The following SLC8A2 variants were observed in gnomAD, a reference collection of about 807,000 sequenced individuals.
SLC8A2 encodes the protein solute carrier family 8 member A2.
In SLC8A2, 14 loss-of-function variants were observed where a neutral mutation model predicts 70.2. The ratio of observed to expected loss-of-function variants is 0.20; its 90% CI spans 0.13 to 0.31. The LOEUF is 0.31. SLC8A2 is among the 10% of genes least tolerant of loss of function. SLC8A2 has a pLI of 1.00. For synonymous variants in SLC8A2, 575 were observed against 594.3 expected, an observed-to-expected ratio of 0.97 and a Z score of 0.47; for missense variants, 779 against 1,320.1, an observed-to-expected ratio of 0.59 and a Z score of 6.35.
chr19:47,447,467 A>C lies in SLC8A2; in HGVS notation c.1763+342T>G. ...CCACCCTTCTAGGCCTCGCCTCTTCATTTCACAGTCACAACCCCACCAGGC... is the reference window on the plus strand; with the variant it reads ...CCACCCTTCTAGGCCTCGCCTCTTCCTTTCACAGTCACAACCCCACCAGGC... On this transcript the variant is annotated intron_variant, in intron 4 of 9. Coordinates refer to ENST00000236877, the MANE Select transcript of SLC8A2 (RefSeq NM_015063.3). This position sits in a 1 kb window ranked among gnomAD's most constrained non-coding sequence, Gnocchi z 5.1. 1.5e-5 allele frequency: 5 copies of C among 341,004 alleles called. No individual in the cohort carries two copies. The highest frequency in any genetic ancestry group is 3.7e-5 in the South Asian group (1 of 26,670). The allele number at this position is 341,004 out of a possible 1,614,324, so 21.1% of individuals were successfully genotyped here.
In SLC8A2 at chr19:47,447,668, G is replaced by T. The variant is rs2122630394; in HGVS notation, c.1763+141C>A. On this transcript the variant is annotated intron_variant, in intron 4 of 9. Coordinates refer to ENST00000236877, the MANE Select transcript of SLC8A2 (RefSeq NM_015063.3). The surrounding 1 kb of genome is among the most constrained non-coding windows in gnomAD (Gnocchi z 5.1). ...CCGCCCACGTTGCGGGCACGGCCAC[G>T]CAGGCCCCTCCCCTCCCGAGGCCCA... 9 of 874,230 alleles carry T rather than the reference G, an allele frequency of 1.0e-5. No individual in the cohort carries two copies. The highest frequency in any genetic ancestry group is 1.3e-5 in the Non-Finnish European group (8 of 609,340). The allele number at this position is 874,230 out of a possible 1,614,324, so 54.2% of individuals were successfully genotyped here. A position where few individuals can be genotyped will look rare whatever the true frequency, so the allele number is the denominator to read the frequency against.
chr19:47,451,584 C>A lies in SLC8A2; in HGVS notation c.1341-3353G>T, dbSNP rs375748208. On this transcript the variant is annotated intron_variant, in intron 3 of 9. Coordinates refer to ENST00000236877, the MANE Select transcript of SLC8A2 (RefSeq NM_015063.3). ...TTGGGCTCCCAAAGTGCTGGGATTG[C>A]AGGCATGATCCACTGCATACATCCT... Among the ~76,000 whole-genome samples, 18 of 152,348 alleles carry A rather than the reference C, an allele frequency of 1.2e-4. No homozygotes were observed. In the South Asian group the frequency reaches 1.5e-3, roughly 12 times the overall value.
At chr19:47,456,308 A>G (rs1967302905) in intron 3 of SLC8A2, among the ~76,000 whole-genome samples, 1 of 152,232 alleles carries the variant, frequency 6.6e-6, no homozygotes, top group South Asian at 2.1e-4. Flanking sequence ...GGCACATGGT[A>G]GGTGCCCACT....
chr19:47,464,798 A>G (rs1167812990), intron 2 of SLC8A2, among the ~76,000 whole-genome samples: 3 of 152,230 alleles, frequency 2.0e-5, no homozygotes, highest in Admixed American at 2.0e-4. Flanking sequence ...CCAGGCCCAT[A>G]AATAAATTAT....
At position 47,430,470 on chromosome 19, in the gene SLC8A2, G is replaced by A. The variant is rs1328354817; in HGVS notation, c.2390-5C>T. The A allele has an allele frequency of 1.9e-6, 3 of 1,596,946 alleles. No homozygotes were observed. The highest frequency in any genetic ancestry group is 2.6e-6 in the Non-Finnish European group (3 of 1,173,852). On this transcript the variant is annotated splice_region_variant and splice_polypyrimidine_tract_variant and intron_variant, in intron 9 of 9. Transcript: ENST00000236877. The surrounding 1 kb of genome is among the most constrained non-coding windows in gnomAD (Gnocchi z 5.9). ...CCACCTTGCTGGCGAACGTGTCTGC[G>A]AGGCAGAGACATACAGGTCGGAGGG...
Position 47,432,334 on chromosome 19 carries a change from G to T in SLC8A2, c.2222C>A (p.Pro741His). Reference protein sequence around the residue: ...VFWKVLFACVPPTEYCHGWAC... With the variant: ...VFWKVLFACVHPTEYCHGWAC... Reference sequence around the variant, plus strand: ...CCAGCCGTGGCAGTACTCGGTGGGGGGCACACAGGCGAAGAGCACCTTCCA... The same window carrying T: ...CCAGCCGTGGCAGTACTCGGTGGGGTGCACACAGGCGAAGAGCACCTTCCA... The change falls in exon 9 of 10, where the codon CCC (proline) becomes CAC (histidine). Residue 741 changes from proline to histidine, a missense_variant. Physicochemically the swap from Pro to His is moderately conservative, Grantham distance 77 (BLOSUM62 -2). This residue lies in a region of SLC8A2 where 108 missense variants were observed against 269.6 expected (regional missense o/e 0.40). Transcript: ENST00000236877. The surrounding 1 kb of genome is among the most constrained non-coding windows in gnomAD (Gnocchi z 6.2). 1 of 1,613,502 alleles carries T rather than the reference G, an allele frequency of 6.2e-7. No homozygotes were observed. The highest frequency in any genetic ancestry group is 8.5e-7 in the Non-Finnish European group (1 of 1,180,022).
chr19:47,448,718 C>T lies in SLC8A2; in HGVS notation c.1341-487G>A, dbSNP rs1039247511. Among the ~76,000 whole-genome samples the T allele has an allele frequency of 5.9e-5, 9 of 152,258 alleles. No individual in the cohort carries two copies. The highest frequency in any genetic ancestry group is 3.4e-3 in the Middle Eastern group (1 of 292). ...TTAGAAGCTCCCGGGTTTCTAGAAT[C>T]GCATTTCTAACGAGCTCCAGGGGAT... On this transcript the variant is annotated intron_variant, in intron 3 of 9. Transcript: ENST00000236877. This position sits in a 1 kb window ranked among gnomAD's most constrained non-coding sequence, Gnocchi z 4.8.
intron 6 of SLC8A2, among the ~76,000 whole-genome samples, chr19:47,439,944 A>G (rs2441047): frequency 0.1 from 15,982 of 152,216 alleles, 890 homozygotes; most frequent in Middle Eastern, 0.16. Context: ...GATTACAGAC[A>G]TGAGGCATTG....
Position 47,437,947 on chromosome 19 carries a change from C to T in SLC8A2, c.1912G>A (p.Glu638Lys), listed in dbSNP as rs1013325771. ...QGDGDRKLTA[E>K]EEEARRIAEM... is the part of the protein sequence containing the mutation. ...GCTATCCTCCGAGCCTCCTCCTCCT[C>T]GGCTGTTAGCTTCCTGTCCCCATCC... The change falls in exon 7 of 10, where the codon GAG becomes AAG. Residue 638 changes from glutamate to lysine, a missense_variant. This residue lies in a region of SLC8A2 where 247 missense variants were observed against 362.8 expected (regional missense o/e 0.68). Coordinates refer to ENST00000236877, the MANE Select transcript of SLC8A2 (RefSeq NM_015063.3). 3 of 1,614,120 alleles carry T rather than the reference C, an allele frequency of 1.9e-6. No homozygotes were observed. Among genetic ancestry groups the T allele is most frequent in the South Asian group, 1.1e-5 (1 of 91,072 alleles).
rs1410186606 is a variant in SLC8A2 at position 47,465,042 on chromosome 19, C to T, written c.675+687G>A. Among the ~76,000 whole-genome samples the T allele has an allele frequency of 6.6e-6, 1 of 152,170 alleles. No homozygotes were observed. Among genetic ancestry groups the T allele is most frequent in the East Asian group, 1.9e-4 (1 of 5,198 alleles). ...TTGGGTTGGATGGGAGTATACATTACACTGAAGTGGCATAAATTATCCCAA... is the reference window on the plus strand; with the variant it reads ...TTGGGTTGGATGGGAGTATACATTATACTGAAGTGGCATAAATTATCCCAA... On this transcript the variant is annotated intron_variant, in intron 2 of 9. Transcript: ENST00000236877. This position sits in a 1 kb window ranked among gnomAD's most constrained non-coding sequence, Gnocchi z 5.5.
chr19:47,431,681 CAAAA>C lies in SLC8A2; in HGVS notation c.2389+482_2389+485del, dbSNP rs1568438664. ...CCAAAAAAAAAAAAAAAAAAAAAAA[CAAAA>C]CCCAAAAAAACCAACTTTGAGGTTC... On this transcript the variant is annotated intron_variant, in intron 9 of 9. Transcript: ENST00000236877. Among the ~76,000 whole-genome samples the C allele has an allele frequency of 2.2e-4, 8 of 36,060 alleles. No individual in the cohort carries two copies. The South Asian group carries it at 9.3e-3, about 42-fold the overall frequency. The allele number at this position is 36,060 out of a possible 152,430, so 23.7% of individuals were successfully genotyped here. A position where few individuals can be genotyped will look rare whatever the true frequency, so the allele number is the denominator to read the frequency against.
rs1242653462 is a variant in SLC8A2 at position 47,457,247 on chromosome 19, G to A, written c.1023C>T (p.Tyr341=). The change falls in exon 3 of 10, where the codon TAC becomes TAT. Residue 341 remains tyrosine (Y), a synonymous_variant. Coordinates refer to ENST00000236877, the MANE Select transcript of SLC8A2 (RefSeq NM_015063.3). ...GGCTCTTCTGCTGGTGCAGCAGCGCGTAGTAGTTGGCGATGCCCACCAGCT... is the reference window on the plus strand; with the variant it reads ...GGCTCTTCTGCTGGTGCAGCAGCGCATAGTAGTTGGCGATGCCCACCAGCT... ...LEQLVGIANY[Y]ALLHQQKSRA... 5.2e-6 allele frequency: 8 copies of A among 1,547,054 alleles called. No individual in the cohort carries two copies. In the Admixed American group the frequency reaches 1.2e-4, roughly 23 times the overall value.
chr19:47,440,437 A>C (rs1053198040), intron 6 of SLC8A2, among the ~76,000 whole-genome samples: 1 of 135,372 alleles, frequency 7.4e-6, no homozygotes, highest in Non-Finnish European at 1.7e-5. Flanking sequence ...TTACAGACAT[A>C]ATCTTTTGAG....
chr19:47,447,890 G>A lies in SLC8A2; in HGVS notation c.1682C>T (p.Thr561Met), dbSNP rs1170570383. 6.3e-7 allele frequency: 1 copy of A among 1,590,666 alleles called. No individual in the cohort carries two copies. The highest frequency in any genetic ancestry group is 1.7e-5 in the Admixed American group (1 of 57,810). ...ARGTVRLPYR[T>M]VDGTARGGGV... The stretch of plus-strand genomic sequence containing the variant: ...GCCGCCGCGCGCCGTGCCGTCCACC[G>A]TGCGGTAGGGAAGGCGCACGGTGCC... Residue 561 changes from threonine (T) to methionine (M), a missense_variant, in exon 4 of 10, where the codon ACG (threonine) becomes ATG (methionine). By Grantham distance (81) the Thr-to-Met change is moderately conservative (BLOSUM62 -1). Coordinates refer to ENST00000236877, the MANE Select transcript of SLC8A2 (RefSeq NM_015063.3). This position sits in a 1 kb window ranked among gnomAD's most constrained non-coding sequence, Gnocchi z 5.1.
chr19:47,455,279 C>T (rs546193778), intron 3 of SLC8A2, among the ~76,000 whole-genome samples: 2 of 152,224 alleles, frequency 1.3e-5, no homozygotes, highest in African/African-American at 4.8e-5. Flanking sequence ...AGCTGTACCC[C>T]AGGGAGAAGA....
chr19:47,460,736 C>G (rs992283044), intron 2 of SLC8A2, among the ~76,000 whole-genome samples: 4 of 151,440 alleles, frequency 2.6e-5, no homozygotes, highest in Non-Finnish European at 5.9e-5. Context: ...AAGAACATCG[C>G]CATCGTTATT....
rs1390761682 is a variant in SLC8A2, at chr19:47,465,057, A to T, written c.675+672T>A. 1.3e-5 allele frequency among the ~76,000 whole-genome samples: 2 copies of T among 152,216 alleles called. No homozygotes were observed. Among genetic ancestry groups the T allele is most frequent in the Non-Finnish European group, 2.9e-5 (2 of 68,048 alleles). On this transcript the variant is annotated intron_variant, in intron 2 of 9. Transcript: ENST00000236877. The surrounding 1 kb of genome is among the most constrained non-coding windows in gnomAD (Gnocchi z 5.5). The stretch of plus-strand genomic sequence containing the variant: ...GTATACATTACACTGAAGTGGCATA[A>T]ATTATCCCAACATCAGAAATTGATG...
At chr19:47,438,255 TCATAA>T (rs768103535) in intron 6 of SLC8A2, among the ~76,000 whole-genome samples, 2 of 152,294 alleles carry the variant, frequency 1.3e-5, no homozygotes, top group South Asian at 4.1e-4. Flanking sequence ...GCCTTAGTTT[TCATAA>T]CTGTTAAACG....
intron 1 of SLC8A2, among the ~76,000 whole-genome samples, chr19:47,467,602 T>C (rs1049594188): frequency 8.5e-5 from 13 of 152,060 alleles, no homozygotes; most frequent in African/African-American, 2.9e-4. Flanking sequence ...TTCTGTCCCA[T>C]TTGTGGGTGT....
Sources: allele counts gnomAD v4.1 joint callset (sites outside exome capture counted in the v4.1 genomes callset), GRCh38; gene constraint gnomAD v4.1.1; regional missense constraint gnomAD v4.1.1; non-coding constraint Gnocchi (gnomAD v3.1); transcripts MANE v1.5; gene names NCBI Gene and HGNC (gene_info 2026-07-23, HGNC 2026-07-21).